The following PDE4DIP variants were observed in gnomAD, a reference collection of about 807,000 sequenced individuals.
The protein encoded by PDE4DIP is phosphodiesterase 4D interacting protein, also known as myomegalin.
PDE4DIP carries 59 observed loss-of-function variants against 221.4 expected under a neutral mutation model. That is an observed-to-expected ratio of 0.27 (90% CI 0.22 to 0.33). The LOEUF is 0.33. PDE4DIP is among the 10% of genes least tolerant of loss of function. The pLI, the probability that PDE4DIP is intolerant of heterozygous loss-of-function variation, is 1.00. For synonymous variants in PDE4DIP, 404 were observed against 815.9 expected (o/e 0.50, Z 8.60); for missense variants, 1,036 against 2,154.2 (o/e 0.48, Z 10.28).
At chr1:148,820,637 CTTTTG>C (rs1421338450) in intron 1 of PDE4DIP, among the ~76,000 whole-genome samples, 5 of 141,042 alleles carry the variant, frequency 3.5e-5, no homozygotes, top group Non-Finnish European at 3.1e-5. Flanking sequence ...TTATTGCAGA[CTTTTG>C]TTTTGTTTTG....
In PDE4DIP at chr1:149,017,754, A is replaced by T. The variant is rs782539102; in HGVS notation, c.5525A>T (p.Asp1842Val). 1.8e-5 allele frequency: 28 copies of T among 1,595,076 alleles called. No individual in the cohort carries two copies. In the Admixed American group the frequency reaches 3.8e-4, roughly 22 times the overall value. The change falls in exon 34 of 44, where the codon GAC becomes GTC. Residue 1842 changes from aspartate to valine, a missense_variant. Asp to Val is a radical substitution (Grantham distance 152). Coordinates refer to ENST00000369354, the Ensembl canonical transcript of PDE4DIP. Reference sequence around the variant, plus strand: ...CCTGGTGGTTTGGCCGCAGGGGCTGACCTGCTGGAAGAGCATCTTGGTGAA... The same window carrying T: ...CCTGGTGGTTTGGCCGCAGGGGCTGTCCTGCTGGAAGAGCATCTTGGTGAA...
At position 148,864,851 on chromosome 1, in the gene PDE4DIP, T is replaced by TA. The variant is rs1453023846; in HGVS notation, c.289+1547dup. 4.4e-5 allele frequency among the ~76,000 whole-genome samples: 5 copies of TA among 114,674 alleles called. No homozygotes were observed. The East Asian group carries it at 1.1e-3, about 25-fold the overall frequency. The allele number at this position is 114,674 out of a possible 152,430, so 75.2% of individuals were successfully genotyped here. On this transcript the variant is annotated intron_variant, in intron 2 of 45. Coordinates refer to the PDE4DIP transcript ENST00000524974. ...CCATATAACAGTTCTATAAAGCAGA[T>TA]ATTATTACCCCTGTTTTACAGAGGC...
At chr1:148,996,209 A>G (rs1211209352) in intron 22 of PDE4DIP, among the ~76,000 whole-genome samples, 1 of 152,178 alleles carries the variant, frequency 6.6e-6, no homozygotes, top group Non-Finnish European at 1.5e-5. Flanking sequence ...AAAGTTAGAC[A>G]TTATTTTTAA....
chr1:148,924,997 CTAGT>C (rs2046397885), intron 1 of PDE4DIP, among the ~76,000 whole-genome samples: 1 of 151,786 alleles, frequency 6.6e-6, no homozygotes, highest in South Asian at 2.1e-4. Flanking sequence ...TTCAGCTATC[CTAGT>C]TAGAGAGGGT....
At chr1:149,016,303 C>T (rs2070539881) in exon 33 of PDE4DIP, 2 of 1,613,834 alleles carry the variant, frequency 1.2e-6, no homozygotes, top group Non-Finnish European at 1.7e-6. Flanking sequence ...GCCCAGGTGC[C>T]AGCACTGTTC....
intron 17 of PDE4DIP, among the ~76,000 whole-genome samples, chr1:148,975,178 A>G (rs587719810): frequency 6.8e-6 from 1 of 147,274 alleles, no homozygotes; most frequent in Non-Finnish European, 1.5e-5. Context: ...CCTCCAAGAT[A>G]ATAATAATAA....
intron 5 of PDE4DIP, among the ~76,000 whole-genome samples, chr1:148,950,850 A>G: frequency 6.8e-6 from 1 of 146,486 alleles, no homozygotes; most frequent in Non-Finnish European, 1.5e-5. Context: ...CATATCACCT[A>G]CTAAGCCCAA....
intron 5 of PDE4DIP, chr1:148,952,225 G>C (rs1364131060): frequency 9.8e-7 from 1 of 1,019,952 alleles, no homozygotes. Context: ...CGCACTCGCC[G>C]TGAGCCAGGT....
intron 1 of PDE4DIP, among the ~76,000 whole-genome samples, chr1:148,893,065 C>CTGTG (rs60364665): frequency 0.12 from 9,222 of 77,496 alleles, 158 homozygotes; most frequent in Non-Finnish European, 0.13. Context: ...ATGTGTGTGT[C>CTGTG]TGTGTGTGTG....
intron 23 of PDE4DIP, among the ~76,000 whole-genome samples, chr1:148,998,854 C>T (rs2064951664): frequency 6.6e-6 from 1 of 150,932 alleles, no homozygotes; most frequent in Non-Finnish European, 1.5e-5. Context: ...CATTCTCCTG[C>T]CTCAGCCTGC....
exon 14 of PDE4DIP, chr1:148,968,933 A>C: frequency 6.2e-7 from 1 of 1,613,126 alleles, no homozygotes; most frequent in Non-Finnish European, 8.5e-7. Context: ...AGGATGCTGC[A>C]GGACCTTCTA....
chr1:148,922,736 C>T (rs1312506790), intron 1 of PDE4DIP, among the ~76,000 whole-genome samples: 11 of 149,656 alleles, frequency 7.4e-5, no homozygotes, highest in Non-Finnish European at 7.4e-5. Flanking sequence ...TACAGGTGCC[C>T]GCCACCACAC....
chr1:148,922,961 G>A (rs2045807061), intron 1 of PDE4DIP, among the ~76,000 whole-genome samples: 1 of 138,768 alleles, frequency 7.2e-6, no homozygotes, highest in Non-Finnish European at 1.5e-5. Context: ...TTTTCGAGAT[G>A]GAGTTTCGCT....
chr1:148,949,685 T>G (rs1436137969), intron 5 of PDE4DIP, among the ~76,000 whole-genome samples: 1 of 152,252 alleles, frequency 6.6e-6, no homozygotes. Context: ...TATTTTTAAA[T>G]TTTTATTTTC....
At chr1:149,012,698 G>A in exon 32 of PDE4DIP, 1 of 1,613,848 alleles carries the variant, frequency 6.2e-7, no homozygotes, top group Non-Finnish European at 8.5e-7. Flanking sequence ...TCTCCTCCTT[G>A]GCTGCTGTGA....
chr1:148,907,027 C>G (rs2041992866), intron 1 of PDE4DIP, among the ~76,000 whole-genome samples: 2 of 151,480 alleles, frequency 1.3e-5, no homozygotes, highest in Non-Finnish European at 2.9e-5. Context: ...CCAGCCTGGA[C>G]TACAAGAGTG....
chr1:149,015,276 G>A (rs1217002248), intron 32 of PDE4DIP, among the ~76,000 whole-genome samples: 1 of 151,552 alleles, frequency 6.6e-6, no homozygotes, highest in Non-Finnish European at 1.5e-5. Context: ...ACTTTCTCAG[G>A]TGATTCCAAT....
chr1:148,939,915 G>A (rs2050151846), intron 5 of PDE4DIP: 1 of 152,034 alleles, frequency 6.6e-6, no homozygotes, highest in Non-Finnish European at 1.5e-5. Context: ...AATCTCTATA[G>A]TTTCCTATAA....
chr1:148,820,720 G>A (rs797026580), intron 1 of PDE4DIP, among the ~76,000 whole-genome samples: 3 of 148,866 alleles, frequency 2.0e-5, no homozygotes, highest in Admixed American at 1.3e-4. Flanking sequence ...TTTTTGGGGG[G>A]GGGGTGGCTA....
Sources: allele counts gnomAD v4.1 joint callset (sites outside exome capture counted in the v4.1 genomes callset), GRCh38; gene constraint gnomAD v4.1.1; transcripts MANE v1.5; gene names NCBI Gene and HGNC (gene_info 2026-07-23, HGNC 2026-07-21).